Variants in CLOCK observed in about 807,000 individuals in gnomAD.
CLOCK encodes the protein clock circadian regulator.
Under a neutral mutation model 118.4 loss-of-function variants are expected in CLOCK, and 43 were observed. The ratio of observed to expected loss-of-function variants is 0.36; its 90% CI spans 0.28 to 0.47. The LOEUF is 0.47. Ranked by LOEUF, CLOCK falls within the 20% of genes least tolerant of loss-of-function variation. The pLI, the probability that CLOCK is intolerant of heterozygous loss-of-function variation, is 1.00. For missense variants in CLOCK, 846 were observed against 999.9 expected (o/e 0.85, Z 2.08); for synonymous variants, 326 against 339.2 (o/e 0.96, Z 0.43).
chr4:55,496,785 C>G (rs1728111797), intron 2 of CLOCK, among the ~76,000 whole-genome samples: 1 of 152,132 alleles, frequency 6.6e-6, no homozygotes, highest in East Asian at 1.9e-4. Context: ...TATTCTCCAG[C>G]TACACTAAGG....
Position 55,542,840 on chromosome 4 carries a change from G to GA in CLOCK, c.-290+3941dup, listed in dbSNP as rs548738082. On this transcript the variant is annotated intron_variant, in intron 1 of 22. Coordinates refer to ENST00000513440, the MANE Select transcript of CLOCK (RefSeq NM_004898.4). The stretch of plus-strand genomic sequence containing the variant: ...AGGAGTCTGCAAGCAAGTACAGAAG[G>GA]AAAAAAAATCAAAGTTTAACCCATA... 1.3e-3 allele frequency among the ~76,000 whole-genome samples: 200 copies of GA among 151,612 alleles called. 2 individuals are homozygous for GA. The South Asian group carries it at 0.026, about 20-fold the overall frequency.
chr4:55,541,314 T>C (rs1343241514), intron 1 of CLOCK, among the ~76,000 whole-genome samples: 1 of 152,224 alleles, frequency 6.6e-6, no homozygotes, highest in Non-Finnish European at 1.5e-5. Context: ...CACTTGAGTG[T>C]TCTATAAATA....
chr4:55,539,704 T>C (rs779473793), intron 1 of CLOCK, among the ~76,000 whole-genome samples: 1 of 151,734 alleles, frequency 6.6e-6, no homozygotes, highest in Admixed American at 6.6e-5. Flanking sequence ...AGTATTATTA[T>C]CCTAAAAATT....
At chr4:55,477,415 T>C (rs1299010708) in intron 6 of CLOCK, among the ~76,000 whole-genome samples, 3 of 151,930 alleles carry the variant, frequency 2.0e-5, no homozygotes, top group African/African-American at 7.2e-5. Context: ...CAATAAATAT[T>C]GACACATTTA....
chr4:55,457,160 T>C (rs1328206800), intron 11 of CLOCK, among the ~76,000 whole-genome samples: 1 of 152,168 alleles, frequency 6.6e-6, no homozygotes, highest in East Asian at 1.9e-4. Flanking sequence ...TATTTCCAAA[T>C]ATCTGAATGT....
intron 2 of CLOCK, among the ~76,000 whole-genome samples, chr4:55,507,185 T>C (rs1437804183): frequency 1.3e-5 from 2 of 152,054 alleles, no homozygotes; most frequent in Non-Finnish European, 2.9e-5. Context: ...CATGGTGGTA[T>C]GCACCTATAG....
Position 55,478,872 on chromosome 4 carries a change from T to G in CLOCK, c.199A>C (p.Lys67Gln), listed in dbSNP as rs1726723562. 6.2e-7 allele frequency: 1 copy of G among 1,612,724 alleles called. No individual in the cohort carries two copies. The change falls in exon 6 of 23, where the codon AAG becomes CAG. Residue 67 changes from lysine (K) to glutamine (Q), a missense_variant. By Grantham distance (53) the Lys-to-Gln change is moderately conservative (BLOSUM62 1). Transcript: ENST00000513440. ...LGSMLPGNAR[K>Q]MDKSTVLQKS... ...TGCAGAACAGTAGATTTGTCCATCT[T>G]TCTAGCATTACCAGGAAGCATGGAT... is the stretch of plus-strand genomic sequence containing the variant.
At chr4:55,529,133 A>G (rs1730381719) in intron 1 of CLOCK, among the ~76,000 whole-genome samples, 1 of 152,190 alleles carries the variant, frequency 6.6e-6, no homozygotes, top group Non-Finnish European at 1.5e-5. Flanking sequence ...CACCACCTAG[A>G]AAAAGACCAA....
intron 8 of CLOCK, among the ~76,000 whole-genome samples, 197 bp downstream of exon 8, chr4:55,470,520 G>C (rs1466284375): frequency 6.6e-6 from 1 of 151,410 alleles, no homozygotes. Context: ...CATAACTATA[G>C]TTGAATATTA....
chr4:55,467,701 T>G (rs1161720516), intron 8 of CLOCK, among the ~76,000 whole-genome samples: 1 of 152,234 alleles, frequency 6.6e-6, no homozygotes. Context: ...GTTTTCTTGC[T>G]ATGAAAACAA....
At chr4:55,455,285 C>A (rs1724839637) in intron 13 of CLOCK, among the ~76,000 whole-genome samples, 1 of 152,094 alleles carries the variant, frequency 6.6e-6, no homozygotes, top group Non-Finnish European at 1.5e-5. Flanking sequence ...CCTGTCTCTG[C>A]CACCAATGAG....
Position 55,476,041 on chromosome 4 carries a change from C to A in CLOCK, c.270G>T (p.Gln90His). ...FLRKHKEITA[Q>H]SDASEIRQDW... The stretch of plus-strand genomic sequence containing the variant: ...CCTGTCGAATTTCACTAGCATCTGA[C>A]TGTGCAGTGATTTCTGTAAACAGAT... The change falls in exon 7 of 23, where the codon CAG becomes CAT. Residue 90 changes from glutamine to histidine, a missense_variant. Physicochemically the swap from Gln to His is conservative, Grantham distance 24 (BLOSUM62 0). Around this residue, in one of 4 missense-constraint regions of CLOCK, gnomAD observed 246 missense variants for 300.2 expected, o/e 0.82. Coordinates refer to ENST00000513440, the MANE Select transcript of CLOCK (RefSeq NM_004898.4). The A allele has an allele frequency of 6.2e-7, 1 of 1,611,648 alleles. No homozygotes were observed. Among genetic ancestry groups the A allele is most frequent in the Non-Finnish European group, 8.5e-7 (1 of 1,178,014 alleles).
intron 8 of CLOCK, among the ~76,000 whole-genome samples, chr4:55,470,356 T>C (rs1726047749): frequency 6.6e-6 from 1 of 152,170 alleles, no homozygotes; most frequent in Non-Finnish European, 1.5e-5. Context: ...TACAGCGGCA[T>C]GCTGTACAGA....
At chr4:55,519,274 C>A (rs1729707532) in intron 1 of CLOCK, among the ~76,000 whole-genome samples, 1 of 152,198 alleles carries the variant, frequency 6.6e-6, no homozygotes, top group Admixed American at 6.5e-5. Context: ...CCAGGCTGGT[C>A]TCAAACTCCT....
intron 1 of CLOCK, among the ~76,000 whole-genome samples, chr4:55,543,815 A>G (rs1731439065): frequency 6.6e-6 from 1 of 152,206 alleles, no homozygotes; most frequent in Non-Finnish European, 1.5e-5. Flanking sequence ...CCATTTTTAA[A>G]AAAGATTGAA....
At position 55,438,544 on chromosome 4, in the gene CLOCK, G is replaced by C. The variant is rs752001265; in HGVS notation, c.2106-7C>G. Reference sequence around the variant, plus strand: ...TTGTTGACCTTGAGAAAATCTGTTAGAAGAAAGAAGGAAAAAAATTGGAGT... The same window carrying C: ...TTGTTGACCTTGAGAAAATCTGTTACAAGAAAGAAGGAAAAAAATTGGAGT... On this transcript the variant is annotated splice_region_variant and splice_polypyrimidine_tract_variant and intron_variant, in intron 21 of 22. Transcript: ENST00000513440. 1 of 1,612,898 alleles carries C rather than the reference G, an allele frequency of 6.2e-7. No homozygotes were observed. The highest frequency in any genetic ancestry group is 8.5e-7 in the Non-Finnish European group (1 of 1,179,946).
At chr4:55,517,968 G>A (rs74518450) in intron 1 of CLOCK, among the ~76,000 whole-genome samples, 1 of 152,054 alleles carries the variant, frequency 6.6e-6, no homozygotes, top group African/African-American at 2.4e-5. Flanking sequence ...GAAACATGGT[G>A]GGGGGTGGGG....
intron 6 of CLOCK, among the ~76,000 whole-genome samples, chr4:55,476,505 T>G (rs1360909482): frequency 6.6e-6 from 1 of 152,172 alleles, no homozygotes; most frequent in Non-Finnish European, 1.5e-5. Context: ...AAGAATGCCT[T>G]AGGCCTGCCT....
chr4:55,496,501 T>C (rs73153642), intron 2 of CLOCK, among the ~76,000 whole-genome samples: 2,496 of 152,312 alleles, frequency 0.016, 64 homozygotes, highest in African/African-American at 0.058. Flanking sequence ...TTTATACACT[T>C]ATCATATTGA....
Sources: allele counts gnomAD v4.1 joint callset (sites outside exome capture counted in the v4.1 genomes callset), GRCh38; gene constraint gnomAD v4.1.1; regional missense constraint gnomAD v4.1.1; transcripts MANE v1.5; gene names NCBI Gene and HGNC (gene_info 2026-07-23, HGNC 2026-07-21).